DNAJB8: variants seen among roughly 807,000 people sequenced by gnomAD.
DNAJB8 encodes DnaJ heat shock protein family (Hsp40) member B8.
For missense variants in DNAJB8, 354 were observed against 318.9 expected, an observed-to-expected ratio of 1.11 and a Z score of -0.84; for synonymous variants, 127 against 127.1, an observed-to-expected ratio of 1.00 and a Z score of 0.00.
chr3:128,465,167 G>A (rs2068502754), intron 2 of DNAJB8, 109 bp downstream of exon 2: 2 of 152,176 alleles, frequency 1.3e-5, no homozygotes, highest in Admixed American at 1.3e-4. Context: ...GAGGAATGGA[G>A]ACAGACTGTA....
chr3:128,464,580 T>C (rs2068497167), intron 2 of DNAJB8, among the ~76,000 whole-genome samples: 2 of 152,236 alleles, frequency 1.3e-5, no homozygotes, highest in African/African-American at 4.8e-5. Flanking sequence ...CTTGTTCTGG[T>C]GTTGGATCAT....
chr3:128,465,199 C>G (rs539081430), intron 2 of DNAJB8, 77 bp downstream of exon 2: 1 of 152,280 alleles, frequency 6.6e-6, no homozygotes, highest in Admixed American at 6.5e-5. Context: ...TAAACCCAGC[C>G]TCCAGTGACC....
intron 2 of DNAJB8, among the ~76,000 whole-genome samples, chr3:128,464,590 T>C (rs113755125): frequency 6.4e-4 from 98 of 152,346 alleles, no homozygotes; most frequent in African/African-American, 2.1e-3. Context: ...TGTTGGATCA[T>C]ATATAGAAAC....
At position 128,462,944 on chromosome 3, in the gene DNAJB8, C is replaced by T. The variant is rs61758422; in HGVS notation, c.302G>A (p.Arg101Gln). The T allele has an allele frequency of 1.4e-3, 2,221 of 1,614,092 alleles. 17 individuals carry two copies. The African/African-American group carries it at 0.025, about 18-fold the overall frequency. The stretch of plus-strand genomic sequence containing the variant: ...AGGGTCCAGGCCACCAAAAAACTCC[C>T]GGAAGATGTCCTCAGGGTTACGGAA... Reference protein sequence around the residue: ...YTFRNPEDIFREFFGGLDPFS... With the variant: ...YTFRNPEDIFQEFFGGLDPFS... Residue 101 changes from arginine (R) to glutamine (Q), a missense_variant, in exon 3 of 3, where the codon CGG becomes CAG. By Grantham distance (43) the Arg-to-Gln change is conservative. Coordinates refer to ENST00000319153, the MANE Select transcript of DNAJB8 (RefSeq NM_153330.6).
chr3:128,463,628 A>T lies in DNAJB8; in HGVS notation c.-383T>A, dbSNP rs796529309. On this transcript the variant is annotated 5_prime_UTR_variant, in exon 3 of 3. The change creates a new upstream start codon in the 5' untranslated region. Coordinates refer to ENST00000319153, the MANE Select transcript of DNAJB8 (RefSeq NM_153330.6). The stretch of plus-strand genomic sequence containing the variant: ...TGCCCCTGCTGGTGAGGTGGCCACA[A>T]CGGTGTGTGGGAATGGGATGCTCTG... 1.1e-5 allele frequency: 2 copies of T among 182,836 alleles called. No homozygotes were observed. The highest frequency in any genetic ancestry group is 2.6e-5 in the Non-Finnish European group (2 of 77,646). The allele number at this position is 182,836 out of a possible 1,614,324, so 11.3% of individuals were successfully genotyped here. A position where few individuals can be genotyped will look rare whatever the true frequency, so the allele number is the denominator to read the frequency against.
Position 128,463,283 on chromosome 3 carries a change from G to A in DNAJB8, c.-38C>T. ...GGGTGAGAGGAGAGGGAACGTGGAGGCCAGGTGGGCGCAGGGGCCCAGCTG... is the reference window on the plus strand; with the variant it reads ...GGGTGAGAGGAGAGGGAACGTGGAGACCAGGTGGGCGCAGGGGCCCAGCTG... On this transcript the variant is annotated 5_prime_UTR_variant, in exon 3 of 3. Coordinates refer to ENST00000319153, the MANE Select transcript of DNAJB8 (RefSeq NM_153330.6). 6.4e-7 allele frequency: 1 copy of A among 1,565,798 alleles called. No individual in the cohort carries two copies. Among genetic ancestry groups the A allele is most frequent in the Non-Finnish European group, 8.7e-7 (1 of 1,151,596 alleles).
intron 2 of DNAJB8, among the ~76,000 whole-genome samples, chr3:128,464,420 C>G (rs1191549835): frequency 2.0e-5 from 3 of 152,188 alleles, no homozygotes; most frequent in Non-Finnish European, 1.5e-5. Flanking sequence ...CCACTAACAC[C>G]TCGATTTCAG....
In DNAJB8 at chr3:128,462,722, C is replaced by A; in HGVS notation, c.524G>T (p.Gly175Val). 3 of 1,614,098 alleles carry A rather than the reference C, an allele frequency of 1.9e-6. No homozygotes were observed. The highest frequency in any genetic ancestry group is 2.5e-6 in the Non-Finnish European group (3 of 1,180,038). The change falls in exon 3 of 3, where the codon GGC becomes GTC. Residue 175 changes from glycine to valine, a missense_variant. By Grantham distance (109) the Gly-to-Val change is moderately radical (BLOSUM62 -3). Coordinates refer to ENST00000319153, the MANE Select transcript of DNAJB8 (RefSeq NM_153330.6). ...CATCACCGACTTGAACCCCGAGCTG[C>A]CAGAACTGGAGCCCCCGAAGGAGGT... ...SSTSFGGSSSGSSGFKSVMSS... is the reference protein window; with the variant it reads ...SSTSFGGSSSVSSGFKSVMSS...
In DNAJB8 at chr3:128,462,627, C is replaced by A. The variant is rs764974602; in HGVS notation, c.619G>T (p.Val207Leu). ...KRIVENGQER[V>L]EVEEDGQLKS... Reference sequence around the variant, plus strand: ...AGCTGCCCGTCTTCCTCCACCTCCACGCGCTCCTGCCCGTTCTCCACGATG... The same window carrying A: ...AGCTGCCCGTCTTCCTCCACCTCCAAGCGCTCCTGCCCGTTCTCCACGATG... The change falls in exon 3 of 3, where the codon GTG (valine) becomes TTG (leucine). Residue 207 changes from valine (V) to leucine (L), a missense_variant. Val to Leu is a conservative substitution (Grantham distance 32). Transcript: ENST00000319153. The A allele has an allele frequency of 6.2e-7, 1 of 1,614,040 alleles. No homozygotes were observed. The highest frequency in any genetic ancestry group is 8.5e-7 in the Non-Finnish European group (1 of 1,179,984).
At chr3:128,465,165 G>C (rs1490354055) in intron 2 of DNAJB8, 111 bp downstream of exon 2, 1 of 152,184 alleles carries the variant, frequency 6.6e-6, no homozygotes, top group Non-Finnish European at 1.5e-5. Flanking sequence ...AGGAGGAATG[G>C]AGACAGACTG....
chr3:128,464,273 C>T (rs931383931), intron 2 of DNAJB8, among the ~76,000 whole-genome samples, 163 bp from the exon 3 acceptor site: 1 of 152,170 alleles, frequency 6.6e-6, no homozygotes, highest in African/African-American at 2.4e-5. Context: ...TTAAGGATGT[C>T]GAGATGAGAT....
At position 128,463,200 on chromosome 3, in the gene DNAJB8, G is replaced by C; in HGVS notation, c.46C>G (p.Pro16Ala). The C allele has an allele frequency of 1.2e-6, 2 of 1,614,102 alleles. No homozygotes were observed. Among genetic ancestry groups the C allele is most frequent in the Non-Finnish European group, 1.7e-6 (2 of 1,180,016 alleles). The change falls in exon 3 of 3, where the codon CCG becomes GCG. Residue 16 changes from proline to alanine, a missense_variant. Transcript: ENST00000319153. ...EVLGVQASAS[P>A]EDIKKAYRKL... is the part of the protein sequence containing the mutation. ...CGGTAGGCTTTCTTGATGTCCTCCGGGGAAGCGCTGGCCTGCACGCCCAGC... is the reference window on the plus strand; with the variant it reads ...CGGTAGGCTTTCTTGATGTCCTCCGCGGAAGCGCTGGCCTGCACGCCCAGC...
In DNAJB8 at chr3:128,463,553, G is replaced by A. The variant is rs563516084; in HGVS notation, c.-308C>T. Reference sequence around the variant, plus strand: ...TTATGACGTCAGCTCCCGGGGCGGGGCATACCCCCGCCCCCAGCTCCTCAC... The same window carrying A: ...TTATGACGTCAGCTCCCGGGGCGGGACATACCCCCGCCCCCAGCTCCTCAC... On this transcript the variant is annotated 5_prime_UTR_variant, in exon 3 of 3. Coordinates refer to ENST00000319153, the MANE Select transcript of DNAJB8 (RefSeq NM_153330.6). The A allele has an allele frequency of 1.6e-4, 37 of 237,262 alleles. No individual in the cohort carries two copies. Among genetic ancestry groups the A allele is most frequent in the African/African-American group, 8.0e-4 (35 of 43,928 alleles). 14.7% of individuals were successfully genotyped at this position (237,262 alleles called of 1,614,324 possible).
intron 2 of DNAJB8, among the ~76,000 whole-genome samples, chr3:128,464,594 T>C (rs1028325988): frequency 3.3e-5 from 5 of 152,232 alleles, no homozygotes; most frequent in Non-Finnish European, 5.9e-5. Flanking sequence ...GGATCATATA[T>C]AGAAACAGCA....
At chr3:128,465,096 G>A (rs1404578432) in intron 2 of DNAJB8, among the ~76,000 whole-genome samples, 180 bp downstream of exon 2, 2 of 151,094 alleles carry the variant, frequency 1.3e-5, no homozygotes, top group Non-Finnish European at 2.9e-5. Context: ...GTGCTCATGG[G>A]TGCTAGGTTT....
chr3:128,465,140 C>A (rs1015131979), intron 2 of DNAJB8, 136 bp downstream of exon 2: 8 of 152,300 alleles, frequency 5.3e-5, no homozygotes, highest in African/African-American at 1.7e-4. Context: ...TGTGTTCTAA[C>A]CAATCCCAAA....
rs148414049 is a variant in DNAJB8 at position 128,462,640 on chromosome 3, G to A, written c.606C>T (p.Asn202=). ...CCTCCACCTCCACGCGCTCCTGCCC[G>A]TTCTCCACGATGCGCTTGGTGGTGA... The part of the protein sequence containing the change: ...HKVTTKRIVE[N]GQERVEVEED... Residue 202 remains asparagine (N), a synonymous_variant, in exon 3 of 3, where the codon AAC becomes AAT. Coordinates refer to ENST00000319153, the MANE Select transcript of DNAJB8 (RefSeq NM_153330.6). The A allele has an allele frequency of 1.7e-5, 27 of 1,613,618 alleles. No homozygotes were observed. Among genetic ancestry groups the A allele is most frequent in the African/African-American group, 1.3e-4 (10 of 74,852 alleles).
At chr3:128,465,176 T>C (rs907441668) in intron 2 of DNAJB8, 100 bp downstream of exon 2, 4 of 152,208 alleles carry the variant, frequency 2.6e-5, no homozygotes, top group African/African-American at 7.2e-5. Flanking sequence ...AGACAGACTG[T>C]AGAGACACTT....
chr3:128,462,968 A>G lies in DNAJB8; in HGVS notation c.278T>C (p.Phe93Ser), dbSNP rs1384881499. ...YHSPFDTGYT[F>S]RNPEDIFREF... is the part of the protein sequence containing the mutation. ...CCGGAAGATGTCCTCAGGGTTACGG[A>G]AGGTGTAGCCGGTGTCGAAGGGGCT... Residue 93 changes from phenylalanine (F) to serine (S), a missense_variant, in exon 3 of 3, where the codon TTC (phenylalanine) becomes TCC (serine). Coordinates refer to ENST00000319153, the MANE Select transcript of DNAJB8 (RefSeq NM_153330.6). 6.2e-7 allele frequency: 1 copy of G among 1,614,052 alleles called. No individual in the cohort carries two copies.
Sources: allele counts gnomAD v4.1 joint callset (sites outside exome capture counted in the v4.1 genomes callset), GRCh38; gene constraint gnomAD v4.1.1; transcripts MANE v1.5; gene names NCBI Gene and HGNC (gene_info 2026-07-23, HGNC 2026-07-21).